Variants in PATL1 observed in about 807,000 individuals in gnomAD.
PATL1 encodes the protein protein PAT1 homolog 1.
Under a neutral mutation model 100.6 loss-of-function variants are expected in PATL1, and 32 were observed. The observed-to-expected ratio is 0.32, with a 90% CI of 0.24 to 0.43. PATL1 has a LOEUF of 0.43. PATL1 is among the 20% of genes least tolerant of loss of function. PATL1 has a pLI of 1.00. For missense variants in PATL1, 747 were observed against 949.9 expected (o/e 0.79, Z 2.81); for synonymous variants, 332 against 330.0 (o/e 1.01, Z -0.07).
intron 16 of PATL1, among the ~76,000 whole-genome samples, chr11:59,640,059 T>C (rs1383100131): frequency 2.6e-5 from 4 of 152,176 alleles, no homozygotes; most frequent in Admixed American, 1.3e-4. Context: ...TATATAAAAA[T>C]GGTCAGGTGT....
rs142440674 is a variant in PATL1 at position 59,643,681 on chromosome 11, G to C, written c.1894-646C>G. Among the ~76,000 whole-genome samples the C allele has an allele frequency of 9.2e-5, 14 of 152,180 alleles. No individual in the cohort carries two copies. In the East Asian group the frequency reaches 2.5e-3, roughly 27 times the overall value. ...CATTCCGGCTTGGGTGACAGGGTGA[G>C]ACCCACCCTGTCTCAAAAGAAGTGT... On this transcript the variant is annotated intron_variant, in intron 15 of 18. Transcript: ENST00000300146.
chr11:59,638,051 T>C lies in PATL1; in HGVS notation c.*339A>G, dbSNP rs1428274387. 1 of 301,002 alleles carries C rather than the reference T, an allele frequency of 3.3e-6. No individual in the cohort carries two copies. Among genetic ancestry groups the C allele is most frequent in the Non-Finnish European group, 6.3e-6 (1 of 158,410 alleles). The allele number at this position is 301,002 out of a possible 1,614,324, so 18.6% of individuals were successfully genotyped here. On this transcript the variant is annotated 3_prime_UTR_variant, in exon 19 of 19. Transcript: ENST00000300146. ...GAAGGAATCCTTTGGCAGGCTACAA[T>C]CTACTCTGAGGTGGAGTAGTGGAGG...
At chr11:59,645,247 C>T (rs1470391676) in intron 15 of PATL1, among the ~76,000 whole-genome samples, 3 of 103,812 alleles carry the variant, frequency 2.9e-5, no homozygotes, top group East Asian at 5.2e-4. Context: ...CCTTTCTATT[C>T]CACAAAACCG....
At chr11:59,656,470 A>G in intron 6 of PATL1, 29 bp downstream of exon 6, 1 of 1,557,640 alleles carries the variant, frequency 6.4e-7, no homozygotes. Flanking sequence ...TACATACTGC[A>G]CATTTTTGTT....
intron 4 of PATL1, 88 bp downstream of exon 4, chr11:59,658,778 T>C (rs1861580854): frequency 5.1e-6 from 5 of 977,970 alleles, no homozygotes; most frequent in Admixed American, 5.0e-5. Flanking sequence ...GAAAGACCTA[T>C]AAACCCCTTC....
chr11:59,640,462 G>A (rs1861260346), intron 16 of PATL1, among the ~76,000 whole-genome samples: 1 of 152,192 alleles, frequency 6.6e-6, no homozygotes, highest in Admixed American at 6.5e-5. Context: ...GCTCATGCAT[G>A]TAATCCCAGC....
At position 59,668,982 on chromosome 11, in the gene PATL1, C is replaced by T; in HGVS notation, c.-87G>A. On this transcript the variant is annotated 5_prime_UTR_variant, in exon 1 of 19. Transcript: ENST00000300146. ...TCCCCGGCTCCTCCGCGCGCGGGTC[C>T]TCCACCGGCTCGCGACCCCTGGCCG... 3.3e-6 allele frequency: 1 copy of T among 306,558 alleles called. No individual in the cohort carries two copies. Among genetic ancestry groups the T allele is most frequent in the Non-Finnish European group, 6.2e-6 (1 of 161,066 alleles). 19.0% of individuals were successfully genotyped at this position (306,558 alleles called of 1,614,324 possible).
chr11:59,654,135 T>A, intron 8 of PATL1, 63 bp from the exon 9 acceptor site: 1 of 1,374,450 alleles, frequency 7.3e-7, no homozygotes. Flanking sequence ...TTTTAAAGAA[T>A]GTTGTCAGTA....
Position 59,649,758 on chromosome 11 carries a change from T to C in PATL1, c.1585-148A>G, listed in dbSNP as rs577988827. ...TTTTTTTTTAATGTAGAAAACCATATGAAATAACTTAAAAAATTCCTCAAA... is the reference window on the plus strand; with the variant it reads ...TTTTTTTTTAATGTAGAAAACCATACGAAATAACTTAAAAAATTCCTCAAA... On this transcript the variant is annotated intron_variant, in intron 13 of 18. Transcript: ENST00000300146. The C allele has an allele frequency of 4.8e-6, 4 of 838,082 alleles. No homozygotes were observed. In the East Asian group the frequency reaches 8.3e-5, roughly 17 times the overall value. 51.9% of individuals were successfully genotyped at this position (838,082 alleles called of 1,614,324 possible). A position where few individuals can be genotyped will look rare whatever the true frequency, so the allele number is the denominator to read the frequency against.
chr11:59,660,914 C>T (rs1299161624), intron 2 of PATL1, among the ~76,000 whole-genome samples: 1 of 152,144 alleles, frequency 6.6e-6, no homozygotes, highest in Non-Finnish European at 1.5e-5. Flanking sequence ...ATGTTGGCAT[C>T]ATTTTTTCTG....
Position 59,638,289 on chromosome 11 carries a change from G to T in PATL1, c.*101C>A. ...TCGATCCCACAAGACTTTGCTTTGG[G>T]GAAAAAGCTACCTTCCTTCCCTCAT... On this transcript the variant is annotated 3_prime_UTR_variant, in exon 19 of 19. Coordinates refer to ENST00000300146, the MANE Select transcript of PATL1 (RefSeq NM_152716.3). 7.9e-7 allele frequency: 1 copy of T among 1,260,992 alleles called. No homozygotes were observed. The highest frequency in any genetic ancestry group is 1.1e-6 in the Non-Finnish European group (1 of 878,070). The allele number at this position is 1,260,992 out of a possible 1,614,324, so 78.1% of individuals were successfully genotyped here.
At chr11:59,667,081 T>G (rs1334646472) in intron 1 of PATL1, 117 bp from the exon 2 acceptor site, 1 of 1,419,872 alleles carries the variant, frequency 7.0e-7, no homozygotes, top group African/African-American at 1.5e-5. Context: ...TATGACTTTT[T>G]GTAAAGATGG....
At chr11:59,651,409 G>A in intron 12 of PATL1, 135 bp downstream of exon 12, 2 of 648,378 alleles carry the variant, frequency 3.1e-6, no homozygotes, top group South Asian at 3.9e-5. Flanking sequence ...TGGAAAACTA[G>A]AATGCATGAC....
chr11:59,642,171 G>A (rs1482194487), intron 16 of PATL1, among the ~76,000 whole-genome samples: 2 of 152,200 alleles, frequency 1.3e-5, no homozygotes, highest in African/African-American at 4.8e-5. Context: ...CTAGACAGTA[G>A]CAGGGAAGGA....
intron 14 of PATL1, among the ~76,000 whole-genome samples, chr11:59,648,547 A>C (rs567284525): frequency 7.2e-5 from 11 of 152,030 alleles, no homozygotes; most frequent in African/African-American, 2.6e-4. Context: ...GAAAATAAAA[A>C]CATTCGTCAA....
At chr11:59,650,972 A>G (rs1421815548) in intron 12 of PATL1, among the ~76,000 whole-genome samples, 159 bp from the exon 13 acceptor site, 1 of 152,246 alleles carries the variant, frequency 6.6e-6, no homozygotes, top group Non-Finnish European at 1.5e-5. Context: ...CAAAGGTCAA[A>G]GTTGACTGAA....
intron 14 of PATL1, 101 bp downstream of exon 14, chr11:59,649,361 G>C (rs1861408938): frequency 8.6e-7 from 1 of 1,164,758 alleles, no homozygotes; most frequent in African/African-American, 1.5e-5. Context: ...AGCTTACAGA[G>C]ATGGTAGGGA....
chr11:59,639,294 C>T lies in PATL1; in HGVS notation c.2139G>A (p.Gln713=), dbSNP rs185908629. Reference sequence around the variant, plus strand: ...GAGAAGAAACAGTCCACACTGACCACTGATTATTTTGTGTTGATTCTGTAG... The same window carrying T: ...GAGAAGAAACAGTCCACACTGACCATTGATTATTTTGTGTTGATTCTGTAG... ...DPATESTQNN[Q]WTEVMFMATR... The change falls in exon 17 of 19, where the codon CAG becomes CAA. Residue 713 remains glutamine, a splice_region_variant and synonymous_variant. Coordinates refer to ENST00000300146, the MANE Select transcript of PATL1 (RefSeq NM_152716.3). 1.9e-6 allele frequency: 3 copies of T among 1,553,976 alleles called. No homozygotes were observed. Among genetic ancestry groups the T allele is most frequent in the African/African-American group, 2.7e-5 (2 of 73,232 alleles).
Position 59,652,452 on chromosome 11 carries a change from T to C in PATL1, c.1426+12A>G, listed in dbSNP as rs771296836. On this transcript the variant is annotated intron_variant, in intron 11 of 18. Transcript: ENST00000300146. ...TCTTTTATTATGGGCATTTTTCTTATGAGGACCTTACCTGGCTTATAGGCG... is the reference window on the plus strand; with the variant it reads ...TCTTTTATTATGGGCATTTTTCTTACGAGGACCTTACCTGGCTTATAGGCG... 6.3e-6 allele frequency: 10 copies of C among 1,596,552 alleles called. No individual in the cohort carries two copies. The Admixed American group carries it at 1.8e-4, about 29-fold the overall frequency.
Sources: allele counts gnomAD v4.1 joint callset (sites outside exome capture counted in the v4.1 genomes callset), GRCh38; gene constraint gnomAD v4.1.1; transcripts MANE v1.5; gene names NCBI Gene and HGNC (gene_info 2026-07-23, HGNC 2026-07-21).